ARHGAP35: variants seen among roughly 807,000 people sequenced by gnomAD.
ARHGAP35 encodes Rho GTPase activating protein 35.
Under a neutral mutation model 111.1 loss-of-function variants are expected in ARHGAP35, and 15 were observed. The ratio of observed to expected loss-of-function variants is 0.13; its 90% CI spans 0.09 to 0.21. ARHGAP35 has a LOEUF of 0.21. Ranked by LOEUF, ARHGAP35 falls within the 10% of genes least tolerant of loss-of-function variation. The pLI is 1.00. For synonymous variants in ARHGAP35, 643 were observed against 710.3 expected, an observed-to-expected ratio of 0.91 and a Z score of 1.51; for missense variants, 1,262 against 1,873.0, an observed-to-expected ratio of 0.67 and a Z score of 6.02.
Position 46,922,288 on chromosome 19 carries a change from A to G in ARHGAP35, c.3613A>G (p.Ile1205Val), listed in dbSNP as rs775844443. 8 of 1,613,930 alleles carry G rather than the reference A, an allele frequency of 5.0e-6. No individual in the cohort carries two copies. In the East Asian group the frequency reaches 1.8e-4, roughly 36 times the overall value. The change falls in exon 2 of 7, where the codon ATT (isoleucine) becomes GTT (valine). Residue 1205 changes from isoleucine to valine, a missense_variant. Physicochemically the swap from Ile to Val is conservative, Grantham distance 29. Transcript: ENST00000672722. This position sits in a 1 kb window ranked among gnomAD's most constrained non-coding sequence, Gnocchi z 4.0. Reference sequence around the variant, plus strand: ...GGGTTATAAAGGGGACAATGCTGTCATTCCATACGAAACAGACGAAGACCC... The same window carrying G: ...GGGTTATAAAGGGGACAATGCTGTCGTTCCATACGAAACAGACGAAGACCC... ...SQGYKGDNAV[I>V]PYETDEDPRR... is the part of the protein sequence containing the mutation.
chr19:46,882,384 C>T (rs1568460044), intron 1 of ARHGAP35, among the ~76,000 whole-genome samples: 3 of 152,108 alleles, frequency 2.0e-5, no homozygotes, highest in Admixed American at 6.6e-5. Flanking sequence ...GCAGTTGTCC[C>T]GCCTTGGCCT....
At chr19:46,983,478 C>T (rs1279249833) in intron 3 of ARHGAP35, among the ~76,000 whole-genome samples, 2 of 152,064 alleles carry the variant, frequency 1.3e-5, no homozygotes, top group African/African-American at 4.8e-5. Flanking sequence ...TCTTTTTAAA[C>T]AGTACCCCAG....
intron 1 of ARHGAP35, among the ~76,000 whole-genome samples, chr19:46,877,457 A>C (rs1791431419): frequency 6.6e-6 from 1 of 151,872 alleles, no homozygotes; most frequent in South Asian, 2.1e-4. Context: ...CCAGCTACTC[A>C]GAAGGCTGAG....
chr19:46,986,029 G>A lies in ARHGAP35; in HGVS notation c.3827-1960G>A, dbSNP rs2056648045. 6.6e-6 allele frequency among the ~76,000 whole-genome samples: 1 copy of A among 152,078 alleles called. No homozygotes were observed. The highest frequency in any genetic ancestry group is 2.4e-5 in the African/African-American group (1 of 41,410). Reference sequence around the variant, plus strand: ...CCAGGGCCCGGTGCTCTCTACTGTCGGCACTGTTTCTGTTGTCCAGGGGCA... The same window carrying A: ...CCAGGGCCCGGTGCTCTCTACTGTCAGCACTGTTTCTGTTGTCCAGGGGCA... On this transcript the variant is annotated intron_variant, in intron 3 of 6. Coordinates refer to ENST00000672722, the MANE Select transcript of ARHGAP35 (RefSeq NM_004491.5). The surrounding 1 kb of genome is among the most constrained non-coding windows in gnomAD (Gnocchi z 4.3).
intron 1 of ARHGAP35, among the ~76,000 whole-genome samples, chr19:46,904,905 C>T (rs2056097917): frequency 6.6e-6 from 1 of 152,186 alleles, no homozygotes; most frequent in Non-Finnish European, 1.5e-5. Context: ...TGTGCCTATG[C>T]TCCGCGTTCC....
chr19:47,001,343 C>T lies in ARHGAP35; in HGVS notation c.*655C>T, dbSNP rs966474482. On this transcript the variant is annotated 3_prime_UTR_variant, in exon 7 of 7. Coordinates refer to ENST00000672722, the MANE Select transcript of ARHGAP35 (RefSeq NM_004491.5). This position sits in a 1 kb window ranked among gnomAD's most constrained non-coding sequence, Gnocchi z 5.4. Reference sequence around the variant, plus strand: ...CCACCGTCCCACTCCACAGCCTTCCCGAAACATTCCCTGGCAAACAAAGGA... The same window carrying T: ...CCACCGTCCCACTCCACAGCCTTCCTGAAACATTCCCTGGCAAACAAAGGA... 9.3e-6 allele frequency: 12 copies of T among 1,290,134 alleles called. No homozygotes were observed. Among genetic ancestry groups the T allele is most frequent in the East Asian group, 5.5e-5 (1 of 18,042 alleles). 79.9% of individuals were successfully genotyped at this position (1,290,134 alleles called of 1,614,324 possible).
chr19:46,937,028 C>G (rs981216016), intron 2 of ARHGAP35, among the ~76,000 whole-genome samples: 8 of 151,936 alleles, frequency 5.3e-5, no homozygotes, highest in African/African-American at 1.9e-4. Flanking sequence ...TTAGTAGAGA[C>G]ACGGTTTCAC....
intron 3 of ARHGAP35, among the ~76,000 whole-genome samples, chr19:46,950,289 T>C (rs948180678): frequency 6.6e-6 from 1 of 152,256 alleles, no homozygotes. Context: ...ACTTTCATCA[T>C]GTGAATATTC....
intron 3 of ARHGAP35, among the ~76,000 whole-genome samples, chr19:46,974,721 C>T (rs2056570229): frequency 6.6e-6 from 1 of 152,164 alleles, no homozygotes; most frequent in East Asian, 1.9e-4. Flanking sequence ...TCTCCAGCCC[C>T]TCTCCCCTCA....
At chr19:46,885,485 A>G (rs2055989032) in intron 1 of ARHGAP35, among the ~76,000 whole-genome samples, 1 of 152,098 alleles carries the variant, frequency 6.6e-6, no homozygotes, top group African/African-American at 2.4e-5. Context: ...CCACTTAGAA[A>G]GTACTGGTCT....
At chr19:46,883,603 G>A (rs111896141) in intron 1 of ARHGAP35, among the ~76,000 whole-genome samples, 37 of 152,258 alleles carry the variant, frequency 2.4e-4, no homozygotes, top group African/African-American at 8.7e-4. Context: ...TTGAAATATT[G>A]CAAGAATTAC....
chr19:46,903,159 T>C (rs867805954), intron 1 of ARHGAP35, among the ~76,000 whole-genome samples: 3 of 151,986 alleles, frequency 2.0e-5, no homozygotes, highest in Non-Finnish European at 2.9e-5. Flanking sequence ...GTCTGCGGCA[T>C]TGGGGAGACA....
At chr19:46,900,418 G>A (rs1204637834) in intron 1 of ARHGAP35, among the ~76,000 whole-genome samples, 2 of 152,136 alleles carry the variant, frequency 1.3e-5, no homozygotes, top group East Asian at 1.9e-4. Context: ...ACGGAGTTTT[G>A]CCCTGTTGGC....
chr19:46,950,476 A>G (rs746253255), intron 3 of ARHGAP35, among the ~76,000 whole-genome samples: 1 of 152,246 alleles, frequency 6.6e-6, no homozygotes, highest in Non-Finnish European at 1.5e-5. Context: ...TCAGTTTAGC[A>G]TGTTGGACAC....
rs1009383880 is a variant in ARHGAP35 at position 47,000,204 on chromosome 19, G to A, written c.4143-127G>A. The A allele has an allele frequency of 6.1e-6, 6 of 989,934 alleles. No homozygotes were observed. Among genetic ancestry groups the A allele is most frequent in the African/African-American group, 3.2e-5 (2 of 61,582 alleles). 61.3% of individuals were successfully genotyped at this position (989,934 alleles called of 1,614,324 possible). ...GGCAGGGCAGGGTACAGAGAGCTGCGCATGGCCTTTTCTGCTCCACCTGAG... is the reference window on the plus strand; with the variant it reads ...GGCAGGGCAGGGTACAGAGAGCTGCACATGGCCTTTTCTGCTCCACCTGAG... On this transcript the variant is annotated intron_variant, in intron 6 of 6. Coordinates refer to ENST00000672722, the MANE Select transcript of ARHGAP35 (RefSeq NM_004491.5). This position sits in a 1 kb window ranked among gnomAD's most constrained non-coding sequence, Gnocchi z 6.9.
chr19:46,905,275 C>T (rs928008778), intron 1 of ARHGAP35, among the ~76,000 whole-genome samples: 1 of 152,128 alleles, frequency 6.6e-6, no homozygotes, highest in Non-Finnish European at 1.5e-5. Context: ...CGCCTATAAT[C>T]TCAGCACTTT....
rs184387528 is a variant in ARHGAP35 at position 46,884,084 on chromosome 19, A to G, written c.-189+22875A>G. ...AAACATAGTATGCCTATACGAGTTTACTAGTTTTTAGCTTTGTCAAGGAGA... is the reference window on the plus strand; with the variant it reads ...AAACATAGTATGCCTATACGAGTTTGCTAGTTTTTAGCTTTGTCAAGGAGA... On this transcript the variant is annotated intron_variant, in intron 1 of 6. Coordinates refer to ENST00000672722, the MANE Select transcript of ARHGAP35 (RefSeq NM_004491.5). Among the ~76,000 whole-genome samples the G allele has an allele frequency of 3.3e-5, 5 of 152,310 alleles. No homozygotes were observed. The East Asian group carries it at 9.6e-4, about 29-fold the overall frequency.
At chr19:46,894,977 A>G (rs566932831) in intron 1 of ARHGAP35, among the ~76,000 whole-genome samples, 3 of 152,312 alleles carry the variant, frequency 2.0e-5, no homozygotes, top group African/African-American at 7.2e-5. Flanking sequence ...CCAGACCCTT[A>G]GGATTTATGT....
intron 3 of ARHGAP35, among the ~76,000 whole-genome samples, chr19:46,965,186 G>A (rs769475791): frequency 2.6e-5 from 4 of 152,114 alleles, no homozygotes; most frequent in African/African-American, 4.8e-5. Context: ...GGTGACAGGT[G>A]CCTGTAATCC....
Sources: gnomAD v4.1 joint callset for allele counts (sites outside exome capture counted in the v4.1 genomes callset) on GRCh38, gnomAD v4.1.1 for gene constraint, Gnocchi (gnomAD v3.1) non-coding constraint, MANE v1.5 for transcripts, NCBI Gene and HGNC (gene_info 2026-07-23, HGNC 2026-07-21) for gene names.